RNF150: variants seen among roughly 807,000 people sequenced by gnomAD.
RNF150 encodes ring finger protein 150.
RNF150 carries 24 observed loss-of-function variants against 39.3 expected under a neutral mutation model. That is an observed-to-expected ratio of 0.61 (90% CI 0.44 to 0.86). RNF150 has a LOEUF of 0.86. RNF150 is among the 40% of genes least tolerant of loss of function. The pLI is 0.00. For synonymous variants in RNF150, 255 were observed against 227.3 expected (o/e 1.12, Z -1.10); for missense variants, 502 against 587.8 (o/e 0.85, Z 1.51).
intron 6 of RNF150, among the ~76,000 whole-genome samples, chr4:140,871,830 G>A (rs1470810247): frequency 6.6e-6 from 1 of 152,208 alleles, no homozygotes; most frequent in Non-Finnish European, 1.5e-5. Context: ...AGAAAAAGGG[G>A]CCACAGGGAC....
intron 1 of RNF150, among the ~76,000 whole-genome samples, chr4:141,009,979 T>A (rs952062802): frequency 1.3e-5 from 2 of 152,226 alleles, no homozygotes; most frequent in African/African-American, 2.4e-5. Flanking sequence ...GGGAGACTGC[T>A]GGATGCCTGT....
chr4:141,131,151 G>A (rs1445187541), intron 1 of RNF150, among the ~76,000 whole-genome samples: 1 of 152,210 alleles, frequency 6.6e-6, no homozygotes, highest in Non-Finnish European at 1.5e-5. Context: ...ATGGAAACTT[G>A]TCCCCAAAGA....
intron 4 of RNF150, among the ~76,000 whole-genome samples, chr4:140,943,442 A>G (rs1344216169): frequency 2.6e-5 from 4 of 152,226 alleles, no homozygotes; most frequent in Admixed American, 2.6e-4. Context: ...ATATTTACCC[A>G]TTTTACAAAT....
At chr4:140,996,351 T>C (rs904763085) in intron 1 of RNF150, among the ~76,000 whole-genome samples, 1 of 152,232 alleles carries the variant, frequency 6.6e-6, no homozygotes, top group Non-Finnish European at 1.5e-5. Context: ...TTTAGTTGTT[T>C]GAGCTCCTTG....
chr4:141,108,727 A>G (rs1419990227), intron 1 of RNF150, among the ~76,000 whole-genome samples: 2 of 152,238 alleles, frequency 1.3e-5, no homozygotes, highest in Non-Finnish European at 2.9e-5. Context: ...AGTTAAAAAA[A>G]CTGAGGTTGA....
chr4:141,171,859 G>GC (rs1727733713), intron 1 of RNF150, among the ~76,000 whole-genome samples: 1 of 152,092 alleles, frequency 6.6e-6, no homozygotes, highest in African/African-American at 2.4e-5. Flanking sequence ...ACATCCCAAA[G>GC]CCCCCTTGAA....
intron 1 of RNF150, among the ~76,000 whole-genome samples, chr4:141,174,189 CA>C (rs1253916257): frequency 6.6e-6 from 1 of 152,158 alleles, no homozygotes; most frequent in African/African-American, 2.4e-5. Context: ...AAAGGCTGGG[CA>C]AAAAATGTGC....
intron 1 of RNF150, among the ~76,000 whole-genome samples, chr4:141,064,023 A>G (rs1170313382): frequency 6.7e-6 from 1 of 150,004 alleles, no homozygotes; most frequent in Non-Finnish European, 1.5e-5. Flanking sequence ...TGATGGCTTC[A>G]TAAACAGATT....
chr4:141,103,325 C>A lies in RNF150; in HGVS notation c.484+29000G>T, dbSNP rs186147072. 1.1e-3 allele frequency among the ~76,000 whole-genome samples: 161 copies of A among 152,316 alleles called. 4 individuals are homozygous for A. In the Middle Eastern group the frequency reaches 0.014, roughly 13 times the overall value. Reference sequence around the variant, plus strand: ...GAGTTGTGAAGACTCTCCTCCTTAACCCAAGAGCCCTTCCTTTTAATGATG... The same window carrying A: ...GAGTTGTGAAGACTCTCCTCCTTAAACCAAGAGCCCTTCCTTTTAATGATG... On this transcript the variant is annotated intron_variant, in intron 1 of 6. Coordinates refer to ENST00000515673, the MANE Select transcript of RNF150 (RefSeq NM_020724.2).
intron 6 of RNF150, among the ~76,000 whole-genome samples, chr4:140,891,070 T>C (rs780588197): frequency 1.3e-5 from 2 of 152,222 alleles, no homozygotes; most frequent in African/African-American, 2.4e-5. Flanking sequence ...TTATATTCCA[T>C]GCTCATGGCA....
At chr4:140,977,396 G>A (rs1239184715) in intron 1 of RNF150, among the ~76,000 whole-genome samples, 8 of 152,134 alleles carry the variant, frequency 5.3e-5, no homozygotes, top group Admixed American at 4.6e-4. Flanking sequence ...TTAAACTGGA[G>A]CATCTGTGGT....
intron 2 of RNF150, among the ~76,000 whole-genome samples, chr4:140,958,157 G>T (rs2111397685): frequency 6.6e-6 from 1 of 152,248 alleles, no homozygotes; most frequent in African/African-American, 2.4e-5. Context: ...AACAAGAGAT[G>T]ATTTAAAGTA....
chr4:141,165,904 C>A (rs1727590702), intron 1 of RNF150, among the ~76,000 whole-genome samples: 2 of 151,686 alleles, frequency 1.3e-5, no homozygotes, highest in Admixed American at 6.6e-5. Context: ...GAAGCAAGAG[C>A]AAAGAAATGC....
chr4:140,953,000 C>T (rs1363886337), intron 2 of RNF150, among the ~76,000 whole-genome samples: 3 of 152,166 alleles, frequency 2.0e-5, no homozygotes, highest in East Asian at 3.8e-4. Context: ...GAAACCTGTA[C>T]AGCATGTACT....
intron 1 of RNF150, among the ~76,000 whole-genome samples, chr4:141,165,804 T>TACAGGG (rs1198395414): frequency 6.6e-6 from 1 of 152,110 alleles, no homozygotes; most frequent in Non-Finnish European, 1.5e-5. Context: ...AAGCAATGTT[T>TACAGGG]ACAGGGAAAT....
chr4:141,024,566 A>G (rs1735620267), intron 1 of RNF150, among the ~76,000 whole-genome samples: 1 of 152,188 alleles, frequency 6.6e-6, no homozygotes, highest in Non-Finnish European at 1.5e-5. Context: ...ACAAAATGAG[A>G]AAACAATGTA....
chr4:140,893,117 C>G (rs545751155), intron 6 of RNF150, among the ~76,000 whole-genome samples: 1 of 152,110 alleles, frequency 6.6e-6, no homozygotes. Context: ...GACCACCCCC[C>G]GGCCTTTCTC....
At chr4:141,120,668 G>A (rs1560748685) in intron 1 of RNF150, among the ~76,000 whole-genome samples, 1 of 152,088 alleles carries the variant, frequency 6.6e-6, no homozygotes, top group South Asian at 2.1e-4. Flanking sequence ...CCTGGGCTGG[G>A]AGCATTTGAG....
chr4:140,917,236 GCA>G (rs1180108505), intron 5 of RNF150, among the ~76,000 whole-genome samples: 1 of 152,078 alleles, frequency 6.6e-6, no homozygotes, highest in Non-Finnish European at 1.5e-5. Context: ...CAGTTGAAAG[GCA>G]CAGACTGGCA....
Sources: allele counts gnomAD v4.1 joint callset (sites outside exome capture counted in the v4.1 genomes callset), GRCh38; gene constraint gnomAD v4.1.1; transcripts MANE v1.5; gene names NCBI Gene and HGNC (gene_info 2026-07-23, HGNC 2026-07-21).